SOX5: variants seen among roughly 807,000 people sequenced by gnomAD.
SOX5 encodes the protein SRY-box transcription factor 5, also known as transcription factor SOX-5.
SOX5 carries 9 observed loss-of-function variants against 92.0 expected under a neutral mutation model. The ratio of observed to expected loss-of-function variants is 0.10; its 90% confidence interval spans 0.06 to 0.17. SOX5 has a LOEUF of 0.17. Ranked by LOEUF, SOX5 falls within the 10% of genes least tolerant of loss-of-function variation. SOX5 has a pLI of 1.00. For synonymous variants in SOX5, 344 were observed against 336.3 expected, an observed-to-expected ratio of 1.02 and a Z score of -0.25; for missense variants, 642 against 944.5, an observed-to-expected ratio of 0.68 and a Z score of 4.20.
intron 8 of SOX5, among the ~76,000 whole-genome samples, chr12:23,612,397 T>C (rs1360133017): frequency 1.3e-5 from 2 of 152,118 alleles, no homozygotes; most frequent in Admixed American, 1.3e-4. Flanking sequence ...AAAGTTGTAA[T>C]CCTTTTTCAT....
intron 1 of SOX5, among the ~76,000 whole-genome samples, chr12:24,473,810 G>A (rs1363122743): frequency 6.6e-6 from 1 of 152,148 alleles, no homozygotes; most frequent in Non-Finnish European, 1.5e-5. Context: ...CTGCAACTCA[G>A]AGACAGATCT....
At chr12:24,025,759 A>G (rs534782719) in intron 4 of SOX5, among the ~76,000 whole-genome samples, 7 of 152,228 alleles carry the variant, frequency 4.6e-5, no homozygotes, top group East Asian at 3.9e-4. Context: ...AAAAATACCA[A>G]TGACTGCAAT....
chr12:23,814,040 T>C (rs1185800917), intron 3 of SOX5, among the ~76,000 whole-genome samples: 1 of 152,172 alleles, frequency 6.6e-6, no homozygotes, highest in Non-Finnish European at 1.5e-5. Flanking sequence ...ATTAAAATGC[T>C]TTTTCTTTTT....
chr12:24,332,808 A>G (rs1220921298), intron 2 of SOX5, among the ~76,000 whole-genome samples: 1 of 152,108 alleles, frequency 6.6e-6, no homozygotes, highest in African/African-American at 2.4e-5. Flanking sequence ...ACAATTACAT[A>G]TTGGTTTCAA....
At chr12:23,764,822 T>G (rs1261270169) in intron 3 of SOX5, among the ~76,000 whole-genome samples, 1 of 152,016 alleles carries the variant, frequency 6.6e-6, no homozygotes, top group Non-Finnish European at 1.5e-5. Context: ...GACAGAATGT[T>G]TTACCACTGG....
chr12:23,673,267 T>C (rs2085093840), intron 6 of SOX5, among the ~76,000 whole-genome samples: 1 of 152,168 alleles, frequency 6.6e-6, no homozygotes, highest in Admixed American at 6.5e-5. Context: ...TTTCTTAAAG[T>C]ATTATTTTAC....
At chr12:23,837,994 T>C (rs1331055207) in intron 3 of SOX5, among the ~76,000 whole-genome samples, 1 of 125,740 alleles carries the variant, frequency 8.0e-6, no homozygotes, top group Non-Finnish European at 1.6e-5. Context: ...TATATTTATA[T>C]AATGTACATT....
intron 2 of SOX5, among the ~76,000 whole-genome samples, chr12:23,881,313 C>G (rs2096986966): frequency 6.6e-6 from 1 of 152,144 alleles, no homozygotes; most frequent in Non-Finnish European, 1.5e-5. Context: ...ATCTCTCTAT[C>G]CCTCTCTTCC....
chr12:23,864,745 T>G (rs944940573), intron 2 of SOX5, among the ~76,000 whole-genome samples: 4 of 152,146 alleles, frequency 2.6e-5, no homozygotes, highest in Non-Finnish European at 5.9e-5. Context: ...TCATGAGATT[T>G]AAGGAAAGAA....
chr12:23,548,621 A>C (rs1271234674), intron 11 of SOX5, among the ~76,000 whole-genome samples: 1 of 152,018 alleles, frequency 6.6e-6, no homozygotes, highest in African/African-American at 2.4e-5. Flanking sequence ...CAGCATGCAA[A>C]TCAAAAGGAT....
At chr12:24,506,851 C>T (rs1437494153) in intron 1 of SOX5, among the ~76,000 whole-genome samples, 2 of 123,094 alleles carry the variant, frequency 1.6e-5, no homozygotes, top group East Asian at 2.8e-4. Context: ...AGTGCAGTGG[C>T]GCGATCTCGG....
At chr12:24,507,726 T>C (rs919883233) in intron 1 of SOX5, among the ~76,000 whole-genome samples, 1 of 152,082 alleles carries the variant, frequency 6.6e-6, no homozygotes, top group Non-Finnish European at 1.5e-5. Flanking sequence ...AAGACACCTA[T>C]GGAAAGAGGG....
At chr12:24,011,598 GT>G (rs1461315246) in intron 4 of SOX5, among the ~76,000 whole-genome samples, 1 of 152,006 alleles carries the variant, frequency 6.6e-6, no homozygotes, top group Non-Finnish European at 1.5e-5. Flanking sequence ...TTATTCCTTT[GT>G]GGTAAAAACC....
intron 1 of SOX5, among the ~76,000 whole-genome samples, chr12:24,505,039 G>T (rs1725913254): frequency 6.6e-6 from 1 of 152,208 alleles, no homozygotes; most frequent in Admixed American, 6.5e-5. Context: ...TTCTTTCTGG[G>T]AGATTTTTGG....
chr12:23,851,286 A>T (rs2096630970), intron 2 of SOX5, among the ~76,000 whole-genome samples: 1 of 152,198 alleles, frequency 6.6e-6, no homozygotes, highest in Admixed American at 6.5e-5. Flanking sequence ...GATAATATGC[A>T]CAGAAATCTG....
chr12:24,131,472 T>C (rs999802064), intron 4 of SOX5, among the ~76,000 whole-genome samples: 2 of 152,220 alleles, frequency 1.3e-5, no homozygotes, highest in East Asian at 1.9e-4. Context: ...AAAGGCCCAA[T>C]GATTGTTCAT....
intron 4 of SOX5, among the ~76,000 whole-genome samples, chr12:24,017,853 A>G (rs1446033360): frequency 6.6e-6 from 1 of 152,002 alleles, no homozygotes; most frequent in African/African-American, 2.4e-5. Flanking sequence ...CCTCGTCCAC[A>G]CACACATCAC....
chr12:24,508,721 A>G (rs553949857), intron 1 of SOX5, among the ~76,000 whole-genome samples: 1 of 152,162 alleles, frequency 6.6e-6, no homozygotes, highest in East Asian at 1.9e-4. Flanking sequence ...TATAATAATC[A>G]CTAAATAAAT....
intron 6 of SOX5, among the ~76,000 whole-genome samples, chr12:23,714,553 G>A (rs1162530544): frequency 6.6e-6 from 1 of 152,034 alleles, no homozygotes; most frequent in Non-Finnish European, 1.5e-5. Flanking sequence ...CCCGGGAGGC[G>A]GAGGTTGCGG....
Sources: gnomAD v4.1 joint callset for allele counts (sites outside exome capture counted in the v4.1 genomes callset) on GRCh38, gnomAD v4.1.1 for gene constraint, MANE v1.5 for transcripts, NCBI Gene and HGNC (gene_info 2026-07-23, HGNC 2026-07-21) for gene names.